Variants in PHF24 observed in about 807,000 individuals in gnomAD.
PHF24 encodes Galpha inhibitory interacting protein.
A neutral mutation model predicts 42.6 loss-of-function variants in PHF24; 25 were observed. The ratio of observed to expected loss-of-function variants is 0.59; its 90% confidence interval spans 0.43 to 0.82. The LOEUF is 0.82. Among genes scored for constraint, PHF24 ranks in the 40% least tolerant of loss-of-function variants. The pLI, the probability that PHF24 is intolerant of heterozygous loss-of-function variation, is 0.00. For missense variants in PHF24, 470 were observed against 538.1 expected (o/e 0.87, Z 1.25); for synonymous variants, 185 against 204.8 (o/e 0.90, Z 0.83).
At chr9:34,768,289 G>A in the PHF24 span, among the ~76,000 whole-genome samples, 3 of 152,150 alleles carry the variant, frequency 2.0e-5, no homozygotes, top group Non-Finnish European at 4.4e-5. Flanking sequence ...ATCTGGATCC[G>A]GCCAAAACCA....
chr9:34,844,473 T>G, the PHF24 span, among the ~76,000 whole-genome samples: 1 of 152,166 alleles, frequency 6.6e-6, no homozygotes, highest in Non-Finnish European at 1.5e-5. Flanking sequence ...TCATAAGTTT[T>G]GATATTGTGT....
chr9:34,746,694 T>C, the PHF24 span, among the ~76,000 whole-genome samples: 1 of 152,216 alleles, frequency 6.6e-6, no homozygotes, highest in Non-Finnish European at 1.5e-5. Flanking sequence ...CAGTCTCCTT[T>C]CCTTGCTCAA....
the PHF24 span, chr9:34,689,504 T>TTG: frequency 3.2e-6 from 1 of 313,566 alleles, no homozygotes; most frequent in East Asian, 5.4e-5. The surrounding 1 kb of genome is among the most constrained non-coding windows in gnomAD (Gnocchi z 4.1). Context: ...TTTTTTTTTT[T>TTG]TTTAAGGCTA....
At chr9:34,871,555 G>C in the PHF24 span, among the ~76,000 whole-genome samples, 1 of 151,930 alleles carries the variant, frequency 6.6e-6, no homozygotes, top group African/African-American at 2.4e-5. Flanking sequence ...TTATCTTTTG[G>C]GGTTTTTTAG....
chr9:34,948,414 G>C, the PHF24 span, among the ~76,000 whole-genome samples: 73 of 152,238 alleles, frequency 4.8e-4, no homozygotes, highest in African/African-American at 1.6e-3. Context: ...CCCACTCACT[G>C]ACACCCAGAG....
At chr9:34,767,409 C>T in the PHF24 span, among the ~76,000 whole-genome samples, 3 of 152,244 alleles carry the variant, frequency 2.0e-5, no homozygotes, top group East Asian at 1.9e-4. Flanking sequence ...TGGGCAATGG[C>T]GGACGCCCCT....
the PHF24 span, among the ~76,000 whole-genome samples, chr9:34,704,439 G>A: frequency 6.6e-6 from 1 of 152,140 alleles, no homozygotes; most frequent in Non-Finnish European, 1.5e-5. Context: ...GAGATTCTGA[G>A]GCAACACTGA....
the PHF24 span, among the ~76,000 whole-genome samples, chr9:34,888,255 A>G: frequency 6.6e-6 from 1 of 152,150 alleles, no homozygotes; most frequent in Non-Finnish European, 1.5e-5. Flanking sequence ...TATTGCTTCT[A>G]ATGACTTTTT....
At chr9:34,741,589 C>T in the PHF24 span, among the ~76,000 whole-genome samples, 4 of 150,720 alleles carry the variant, frequency 2.7e-5, no homozygotes, top group East Asian at 2.0e-4. Flanking sequence ...CTCGAACTCC[C>T]GACCTCAGGT....
the PHF24 span, among the ~76,000 whole-genome samples, chr9:34,796,079 A>T: frequency 6.6e-6 from 1 of 151,444 alleles, no homozygotes; most frequent in Admixed American, 6.6e-5. Context: ...AAAGCCATTC[A>T]ATATTTGACA....
At chr9:34,888,722 A>G in the PHF24 span, among the ~76,000 whole-genome samples, 1 of 152,222 alleles carries the variant, frequency 6.6e-6, no homozygotes, top group East Asian at 1.9e-4. Flanking sequence ...GAAGTCATCA[A>G]TGAATTTTGC....
At chr9:34,900,083 CT>C in the PHF24 span, among the ~76,000 whole-genome samples, 2 of 152,302 alleles carry the variant, frequency 1.3e-5, no homozygotes, top group South Asian at 2.1e-4. Flanking sequence ...ATTGACTCCA[CT>C]TATGGACACC....
At chr9:34,680,741 T>C in the PHF24 span, among the ~76,000 whole-genome samples, 1 of 151,638 alleles carries the variant, frequency 6.6e-6, no homozygotes, top group Admixed American at 6.6e-5. Context: ...AGAAAACCAA[T>C]ACAAGAAGAG....
the PHF24 span, among the ~76,000 whole-genome samples, chr9:34,734,571 T>C: frequency 1.3e-5 from 2 of 152,146 alleles, no homozygotes; most frequent in African/African-American, 4.8e-5. Context: ...GTAAGTCCTG[T>C]CGTGAGGCCA....
At chr9:34,804,003 T>G in the PHF24 span, among the ~76,000 whole-genome samples, 6 of 152,300 alleles carry the variant, frequency 3.9e-5, no homozygotes, top group South Asian at 1.2e-3. Context: ...GACATGACTC[T>G]GAAACTGTCT....
chr9:34,816,492 G>A, the PHF24 span, among the ~76,000 whole-genome samples: 1 of 152,146 alleles, frequency 6.6e-6, no homozygotes, highest in Non-Finnish European at 1.5e-5. Context: ...ATTTCTTATA[G>A]TGTAGGAAGC....
the PHF24 span, among the ~76,000 whole-genome samples, chr9:34,739,970 G>A: frequency 0.016 from 2,402 of 152,178 alleles, 57 homozygotes; most frequent in African/African-American, 0.05. Context: ...CCGCACAAAG[G>A]TTCTCCAAGT....
the PHF24 span, among the ~76,000 whole-genome samples, chr9:34,799,411 T>C: frequency 6.6e-6 from 1 of 152,200 alleles, no homozygotes; most frequent in Non-Finnish European, 1.5e-5. Context: ...ATAATGTATA[T>C]AAATACTTAA....
At chr9:34,879,068 C>G in the PHF24 span, among the ~76,000 whole-genome samples, 1 of 152,212 alleles carries the variant, frequency 6.6e-6, no homozygotes, top group African/African-American at 2.4e-5. Context: ...TGTTCTGCAG[C>G]CTCCGCTGGT....
Sources: gnomAD v4.1 joint callset for allele counts (sites outside exome capture counted in the v4.1 genomes callset) on GRCh38, gnomAD v4.1.1 for gene constraint, Gnocchi (gnomAD v3.1) non-coding constraint, MANE v1.5 for transcripts, NCBI Gene and HGNC (gene_info 2026-07-23, HGNC 2026-07-21) for gene names.